The following ROBO2 variants were observed in gnomAD, a reference collection of about 807,000 sequenced individuals.
ROBO2 encodes roundabout homolog 2.
ROBO2 carries 53 observed loss-of-function variants against 160.8 expected under a neutral mutation model. That is an observed-to-expected ratio of 0.33 (90% confidence interval 0.26 to 0.41). The LOEUF is 0.41. Among genes scored for constraint, ROBO2 ranks in the 10% least tolerant of loss-of-function variants. The pLI is 1.00. For missense variants in ROBO2, 1,577 were observed against 1,722.4 expected (o/e 0.92, Z 1.49); for synonymous variants, 664 against 611.7 (o/e 1.09, Z -1.26).
chr3:77,114,047 C>T (rs917709974), intron 2 of ROBO2, among the ~76,000 whole-genome samples: 4 of 152,140 alleles, frequency 2.6e-5, no homozygotes, highest in African/African-American at 4.8e-5. Context: ...CCTCTTTCAT[C>T]GGGCAGCAAT....
chr3:76,493,337 T>TTA (rs57835432), intron 2 of ROBO2, among the ~76,000 whole-genome samples: 3,793 of 104,756 alleles, frequency 0.036, 181 homozygotes, highest in African/African-American at 0.084. Context: ...AGACAAAAAA[T>TTA]TATATATATA....
At chr3:75,927,976 C>CTTTTT (rs71101865) in intron 1 of ROBO2, among the ~76,000 whole-genome samples, 1 of 104,002 alleles carries the variant, frequency 9.6e-6, no homozygotes, top group African/African-American at 3.9e-5. Flanking sequence ...GATTTTCTCT[C>CTTTTT]TTTTTTTTTT....
intron 2 of ROBO2, among the ~76,000 whole-genome samples, chr3:76,397,727 C>G (rs533775945): frequency 1.3e-5 from 2 of 152,160 alleles, no homozygotes; most frequent in Non-Finnish European, 2.9e-5. Context: ...TGAAAAAATG[C>G]TCACCATCAC....
At chr3:77,013,970 G>T (rs1023563089) in intron 2 of ROBO2, among the ~76,000 whole-genome samples, 1 of 152,078 alleles carries the variant, frequency 6.6e-6, no homozygotes, top group Non-Finnish European at 1.5e-5. Context: ...ATTTTAGATG[G>T]TATAAACATA....
intron 2 of ROBO2, among the ~76,000 whole-genome samples, chr3:76,146,835 G>T (rs1577049279): frequency 7.7e-6 from 1 of 130,016 alleles, no homozygotes; most frequent in South Asian, 2.9e-4. Context: ...ATTCTAAAAT[G>T]ATATGAGGAT....
At chr3:76,453,929 C>T (rs1462516511) in intron 2 of ROBO2, among the ~76,000 whole-genome samples, 1 of 152,016 alleles carries the variant, frequency 6.6e-6, no homozygotes, top group Admixed American at 6.6e-5. Context: ...GAAATAAGGA[C>T]ATTCATGTGG....
intron 2 of ROBO2, among the ~76,000 whole-genome samples, chr3:76,118,710 C>T (rs986153184): frequency 9.9e-5 from 15 of 152,132 alleles, no homozygotes; most frequent in African/African-American, 3.4e-4. Context: ...AACTTTTCCA[C>T]ATATAGACTG....
At chr3:76,948,908 A>ATATATATATATAT (rs1209284372) in intron 2 of ROBO2, among the ~76,000 whole-genome samples, 2 of 24,970 alleles carry the variant, frequency 8.0e-5, no homozygotes, top group Non-Finnish European at 1.3e-4. Flanking sequence ...ATATATATAT[A>ATATATATATATAT]TTTTTTTTTT....
chr3:76,719,076 C>G (rs2093426048), intron 2 of ROBO2, among the ~76,000 whole-genome samples: 1 of 152,008 alleles, frequency 6.6e-6, no homozygotes, highest in African/African-American at 2.4e-5. Flanking sequence ...CCAAGAAATT[C>G]TACTGTGGCC....
chr3:77,352,337 G>A (rs953593469), intron 2 of ROBO2, among the ~76,000 whole-genome samples: 3 of 152,028 alleles, frequency 2.0e-5, no homozygotes, highest in Non-Finnish European at 4.4e-5. Flanking sequence ...TAATGACAAG[G>A]GCTTCTTTAC....
chr3:77,594,707 C>G (rs116702046), intron 17 of ROBO2, among the ~76,000 whole-genome samples: 1 of 152,092 alleles, frequency 6.6e-6, no homozygotes, highest in African/African-American at 2.4e-5. Context: ...ATTAGAACGA[C>G]GTAACATGTT....
At chr3:77,430,855 C>T (rs900838076) in intron 2 of ROBO2, among the ~76,000 whole-genome samples, 1 of 152,162 alleles carries the variant, frequency 6.6e-6, no homozygotes, top group African/African-American at 2.4e-5. Flanking sequence ...TTTCATATGG[C>T]TAGTTGATGA....
chr3:75,909,929 C>T (rs1472271268), intron 1 of ROBO2, among the ~76,000 whole-genome samples: 1 of 152,152 alleles, frequency 6.6e-6, no homozygotes. Flanking sequence ...TTTGCATATA[C>T]ATTAAAGCAG....
rs1291732439 is a variant in ROBO2, at chr3:76,262,351, CA to C, written c.109+324753del. On this transcript the variant is annotated intron_variant, in intron 2 of 26. Coordinates refer to the ROBO2 transcript ENST00000487694. Reference sequence around the variant, plus strand: ...AGGTGATTTTACTCTGAGATAATGCCAAAAGGTAGATGACACATTACAAAAT... The same window carrying C: ...AGGTGATTTTACTCTGAGATAATGCCAAAGGTAGATGACACATTACAAAAT... 2.0e-5 allele frequency among the ~76,000 whole-genome samples: 3 copies of C among 151,920 alleles called. No individual in the cohort carries two copies. The East Asian group carries it at 5.8e-4, about 30-fold the overall frequency.
At chr3:76,058,389 A>G (rs558669104) in intron 2 of ROBO2, among the ~76,000 whole-genome samples, 3 of 152,126 alleles carry the variant, frequency 2.0e-5, no homozygotes, top group African/African-American at 7.2e-5. Flanking sequence ...TAAAAGGAAA[A>G]CAGATACTAT....
chr3:75,963,267 A>G (rs928990634), intron 2 of ROBO2, among the ~76,000 whole-genome samples: 1 of 151,764 alleles, frequency 6.6e-6, no homozygotes, highest in Non-Finnish European at 1.5e-5. Flanking sequence ...GGCTCACTGT[A>G]GTCTTGATCT....
intron 2 of ROBO2, among the ~76,000 whole-genome samples, chr3:76,235,983 T>C (rs1269353284): frequency 6.6e-6 from 1 of 152,146 alleles, no homozygotes; most frequent in African/African-American, 2.4e-5. Flanking sequence ...ATGAATGGAT[T>C]GGTAATTTCA....
intron 2 of ROBO2, among the ~76,000 whole-genome samples, chr3:77,300,087 A>C (rs1211567147): frequency 6.6e-6 from 1 of 152,162 alleles, no homozygotes; most frequent in Non-Finnish European, 1.5e-5. Context: ...CATAAATGCA[A>C]ATTTTGTAAC....
At chr3:77,353,533 T>C (rs537026282) in intron 2 of ROBO2, among the ~76,000 whole-genome samples, 125 of 152,194 alleles carry the variant, frequency 8.2e-4, no homozygotes, top group African/African-American at 2.8e-3. Context: ...TTTTTTGAGA[T>C]GGAGTCTCTC....
Sources: gnomAD v4.1 joint callset for allele counts (sites outside exome capture counted in the v4.1 genomes callset) on GRCh38, gnomAD v4.1.1 for gene constraint, MANE v1.5 for transcripts, NCBI Gene and HGNC (gene_info 2026-07-23, HGNC 2026-07-21) for gene names.